The following CAMTA1 variants were observed in gnomAD, a reference collection of about 807,000 sequenced individuals.
The protein encoded by CAMTA1 is calmodulin-binding transcription activator 1.
CAMTA1 carries 27 observed loss-of-function variants against 170.9 expected under a neutral mutation model. The ratio of observed to expected loss-of-function variants is 0.16; its 90% confidence interval spans 0.12 to 0.22. The LOEUF (loss-of-function observed/expected upper bound fraction) is 0.22, where lower values mean the gene tolerates loss of function less well. Ranked by LOEUF, CAMTA1 falls within the 10% of genes least tolerant of loss-of-function variation. The pLI, the probability that CAMTA1 is intolerant of heterozygous loss-of-function variation, is 1.00. For missense variants in CAMTA1, 1,619 were observed against 2,217.2 expected, an observed-to-expected ratio of 0.73 and a Z score of 5.42; for synonymous variants, 833 against 891.5, an observed-to-expected ratio of 0.93 and a Z score of 1.17.
chr1:6,946,701 A>AT (rs1387392867), intron 3 of CAMTA1, among the ~76,000 whole-genome samples: 1 of 152,128 alleles, frequency 6.6e-6, no homozygotes, highest in East Asian at 1.9e-4. Flanking sequence ...TTCTTTATAT[A>AT]TTCTAGGTAC....
chr1:7,589,256 T>A (rs992414350), intron 6 of CAMTA1, among the ~76,000 whole-genome samples: 2 of 152,214 alleles, frequency 1.3e-5, no homozygotes, highest in African/African-American at 4.8e-5. Context: ...TCCTCAGGTC[T>A]ACCAAGGAGA....
intron 6 of CAMTA1, among the ~76,000 whole-genome samples, chr1:7,469,385 A>G (rs1421011347): frequency 6.6e-6 from 1 of 152,146 alleles, no homozygotes; most frequent in Non-Finnish European, 1.5e-5. Context: ...GTGGGGTTCC[A>G]CCCGAGGCCA....
At chr1:7,449,657 C>G (rs2092767440) in intron 5 of CAMTA1, among the ~76,000 whole-genome samples, 1 of 150,904 alleles carries the variant, frequency 6.6e-6, no homozygotes. Flanking sequence ...GTAATCCCAG[C>G]TACTTGGGAG....
At chr1:7,122,770 C>T (rs569753865) in intron 4 of CAMTA1, among the ~76,000 whole-genome samples, 29 of 152,272 alleles carry the variant, frequency 1.9e-4, no homozygotes, top group South Asian at 1.0e-3. Context: ...ATCTTCACTC[C>T]GCAGCCTCCC....
chr1:7,405,775 A>G (rs1199353363), intron 5 of CAMTA1, among the ~76,000 whole-genome samples: 4 of 152,190 alleles, frequency 2.6e-5, no homozygotes, highest in Non-Finnish European at 5.9e-5. Context: ...TGAGGCTTCC[A>G]CACACTGATA....
At chr1:6,797,745 A>T (rs1343850801) in intron 1 of CAMTA1, among the ~76,000 whole-genome samples, 1 of 152,096 alleles carries the variant, frequency 6.6e-6, no homozygotes, top group African/African-American at 2.4e-5. Flanking sequence ...CCATTCTTAA[A>T]TGAAACTAGA....
intron 19 of CAMTA1, among the ~76,000 whole-genome samples, chr1:7,750,777 T>A (rs2096891016): frequency 6.6e-6 from 1 of 152,232 alleles, no homozygotes; most frequent in Non-Finnish European, 1.5e-5. Context: ...AGAGGCTGAA[T>A]GCTAAGTAGA....
chr1:6,896,304 C>T (rs1450698506), intron 3 of CAMTA1, among the ~76,000 whole-genome samples: 2 of 152,268 alleles, frequency 1.3e-5, no homozygotes, highest in African/African-American at 2.4e-5. Context: ...CATTCTTGGT[C>T]CATAGTAGGA....
chr1:7,528,317 T>G (rs1304260486), intron 6 of CAMTA1, among the ~76,000 whole-genome samples: 2 of 152,112 alleles, frequency 1.3e-5, no homozygotes, highest in East Asian at 3.9e-4. Context: ...ACACTAGCAA[T>G]CCATGTTCAT....
At chr1:7,523,589 T>C (rs887094853) in intron 6 of CAMTA1, among the ~76,000 whole-genome samples, 1 of 152,288 alleles carries the variant, frequency 6.6e-6, no homozygotes, top group African/African-American at 2.4e-5. Context: ...CTTAAGAATT[T>C]CATTTTTGGC....
At chr1:7,354,956 C>T (rs1478949097) in intron 5 of CAMTA1, among the ~76,000 whole-genome samples, 2 of 152,074 alleles carry the variant, frequency 1.3e-5, no homozygotes, top group African/African-American at 4.8e-5. Context: ...AATTCCAGCA[C>T]TTAGGAAGGC....
At chr1:7,312,374 T>C (rs933594394) in intron 5 of CAMTA1, among the ~76,000 whole-genome samples, 4 of 130,988 alleles carry the variant, frequency 3.1e-5, no homozygotes, top group African/African-American at 1.2e-4. Flanking sequence ...TTCTTGCTCC[T>C]TGAGCTGCAA....
intron 6 of CAMTA1, among the ~76,000 whole-genome samples, chr1:7,506,955 C>T (rs116561510): frequency 0.034 from 5,124 of 151,978 alleles, 258 homozygotes; most frequent in African/African-American, 0.12. Context: ...AAAATTCACA[C>T]ACACTCAAAA....
At chr1:7,079,615 G>T (rs532191003) in intron 3 of CAMTA1, among the ~76,000 whole-genome samples, 93 of 151,230 alleles carry the variant, frequency 6.1e-4, no homozygotes, top group African/African-American at 2.1e-3. Flanking sequence ...GGAATTACAG[G>T]CACACACCAT....
At chr1:7,276,589 G>A (rs1670768213) in intron 5 of CAMTA1, among the ~76,000 whole-genome samples, 2 of 151,932 alleles carry the variant, frequency 1.3e-5, no homozygotes, top group Non-Finnish European at 2.9e-5. Flanking sequence ...GATTACAGGT[G>A]TGAGTCACCG....
intron 11 of CAMTA1, among the ~76,000 whole-genome samples, chr1:7,715,032 G>C (rs2995035): frequency 0.47 from 71,309 of 152,006 alleles, 16,872 homozygotes; most frequent in East Asian, 0.65. Context: ...AGTTTTCCTG[G>C]AGCTTTCTTT....
intron 2 of CAMTA1, among the ~76,000 whole-genome samples, 159 bp downstream of exon 2, chr1:6,820,409 C>T (rs1646351803): frequency 6.6e-6 from 1 of 152,138 alleles, no homozygotes; most frequent in African/African-American, 2.4e-5. Flanking sequence ...CTTAATCCTT[C>T]TGGGGTAGCA....
At chr1:7,085,047 G>T (rs190333276) in intron 3 of CAMTA1, among the ~76,000 whole-genome samples, 1 of 152,110 alleles carries the variant, frequency 6.6e-6, no homozygotes, top group Non-Finnish European at 1.5e-5. Flanking sequence ...GGTTTGTTAC[G>T]TAGGTATACA....
At position 7,014,834 on chromosome 1, in the gene CAMTA1, C is replaced by T. The variant is rs373163396; in HGVS notation, c.235-76470C>T. 3.3e-5 allele frequency among the ~76,000 whole-genome samples: 5 copies of T among 152,030 alleles called. No individual in the cohort carries two copies. The highest frequency in any genetic ancestry group is 2.4e-5 in the African/African-American group (1 of 41,494). ...GCATGTCGGGGGCCGGGTGGGGGAG[C>T]GGGTGGTGGCATCAGTGGGTTTCTG... On this transcript the variant is annotated intron_variant, in intron 3 of 22. Coordinates refer to ENST00000303635, the MANE Select transcript of CAMTA1 (RefSeq NM_015215.4). This position sits in a 1 kb window ranked among gnomAD's most constrained non-coding sequence, Gnocchi z 4.2.
Sources: gnomAD v4.1 joint callset for allele counts (sites outside exome capture counted in the v4.1 genomes callset) on GRCh38, gnomAD v4.1.1 for gene constraint, Gnocchi (gnomAD v3.1) non-coding constraint, MANE v1.5 for transcripts, NCBI Gene and HGNC (gene_info 2026-07-23, HGNC 2026-07-21) for gene names.